Variants in TRAPPC9 observed in about 807,000 individuals in gnomAD.
TRAPPC9 encodes IKK2 binding protein.
TRAPPC9 carries 83 observed loss-of-function variants against 124.0 expected under a neutral mutation model. That is an observed-to-expected ratio of 0.67 (90% CI 0.56 to 0.80). TRAPPC9 has a LOEUF of 0.80. Among genes scored for constraint, TRAPPC9 ranks in the 30% least tolerant of loss-of-function variants. The pLI is 0.00. For synonymous variants in TRAPPC9, 638 were observed against 617.5 expected, an observed-to-expected ratio of 1.03 and a Z score of -0.49; for missense variants, 1,302 against 1,508.3, an observed-to-expected ratio of 0.86 and a Z score of 2.27.
At chr8:140,236,241 C>T (rs1294953889) in intron 16 of TRAPPC9, among the ~76,000 whole-genome samples, 1 of 152,038 alleles carries the variant, frequency 6.6e-6, no homozygotes, top group Admixed American at 6.6e-5. Context: ...TGCCACCATG[C>T]CCAGCTAATT....
At chr8:140,124,687 G>C (rs908995715) in intron 17 of TRAPPC9, among the ~76,000 whole-genome samples, 1 of 123,714 alleles carries the variant, frequency 8.1e-6, no homozygotes, top group African/African-American at 3.1e-5. Context: ...AAGACCCTCA[G>C]AGGGGAAGAC....
At chr8:140,070,755 C>T (rs1284714540) in intron 17 of TRAPPC9, among the ~76,000 whole-genome samples, 9 of 151,808 alleles carry the variant, frequency 5.9e-5, no homozygotes, top group Admixed American at 5.9e-4. Flanking sequence ...CACACACAGA[C>T]TCTCCATAGA....
chr8:139,912,452 C>T (rs1386150594), intron 19 of TRAPPC9, among the ~76,000 whole-genome samples: 5 of 152,300 alleles, frequency 3.3e-5, no homozygotes, highest in African/African-American at 1.2e-4. Context: ...AGAAAAAGAC[C>T]TGACAAACAT....
At chr8:140,268,788 A>T (rs969342140) in intron 15 of TRAPPC9, among the ~76,000 whole-genome samples, 2 of 152,210 alleles carry the variant, frequency 1.3e-5, no homozygotes, top group African/African-American at 4.8e-5. Flanking sequence ...GACGAAGTGT[A>T]GGCAAGGCAT....
At chr8:139,945,103 A>G (rs2614743) in intron 19 of TRAPPC9, among the ~76,000 whole-genome samples, 135,893 of 152,188 alleles carry the variant, frequency 0.89, 60,785 homozygotes, top group Middle Eastern at 0.99. Context: ...CAGCCTATGC[A>G]ACAGAGTGAG....
chr8:140,443,871 T>C (rs2071137104), intron 2 of TRAPPC9, among the ~76,000 whole-genome samples: 1 of 150,932 alleles, frequency 6.6e-6, no homozygotes, highest in Admixed American at 6.6e-5. Context: ...ACCCCATCTC[T>C]ACTAAAAACA....
intron 17 of TRAPPC9, among the ~76,000 whole-genome samples, chr8:140,070,232 A>G (rs1322447284): frequency 6.6e-6 from 1 of 152,238 alleles, no homozygotes; most frequent in Non-Finnish European, 1.5e-5. Flanking sequence ...ATCTTCACGC[A>G]TACCTTTTTT....
At chr8:140,155,031 GACAGGCTTCTTAGTGGCC>G (rs890223551) in intron 17 of TRAPPC9, among the ~76,000 whole-genome samples, 5 of 152,152 alleles carry the variant, frequency 3.3e-5, no homozygotes, top group African/African-American at 1.2e-4. Flanking sequence ...GTTTCACCCG[GACAGGCTTCTTAGTGGCC>G]ATCCCTGGCA....
intron 11 of TRAPPC9, among the ~76,000 whole-genome samples, chr8:140,293,513 C>T (rs1175050268): frequency 6.6e-6 from 1 of 152,206 alleles, no homozygotes; most frequent in Non-Finnish European, 1.5e-5. Context: ...GGCACATATA[C>T]ACCATGGAAT....
In TRAPPC9 at chr8:140,370,946, G is replaced by A. The variant is rs1168275567; in HGVS notation, c.1351+18C>T. On this transcript the variant is annotated intron_variant, in intron 8 of 22. Coordinates refer to ENST00000438773, the MANE Select transcript of TRAPPC9 (RefSeq NM_001160372.4). ...GACAGAAAGCAACACCTTAGCGCCA[G>A]CAAGGGGACTCCAGTACCTCTGCTG... 2.5e-6 allele frequency: 4 copies of A among 1,613,236 alleles called. No individual in the cohort carries two copies. The highest frequency in any genetic ancestry group is 3.4e-6 in the Non-Finnish European group (4 of 1,179,744).
chr8:139,862,181 C>T (rs188382200), intron 21 of TRAPPC9, among the ~76,000 whole-genome samples: 33 of 152,374 alleles, frequency 2.2e-4, no homozygotes, highest in African/African-American at 6.7e-4. Flanking sequence ...TGGGAGACAC[C>T]GCCAGGGCAC....
intron 17 of TRAPPC9, among the ~76,000 whole-genome samples, chr8:140,027,712 G>C (rs1048864396): frequency 6.6e-6 from 1 of 152,188 alleles, no homozygotes; most frequent in African/African-American, 2.4e-5. Context: ...ATAAAGAAAA[G>C]AGGTTTAATT....
At chr8:140,386,756 G>A (rs2068765120) in intron 7 of TRAPPC9, among the ~76,000 whole-genome samples, 1 of 152,110 alleles carries the variant, frequency 6.6e-6, no homozygotes, top group Non-Finnish European at 1.5e-5. Flanking sequence ...GTAATTTATA[G>A]ATTCAATGCC....
Position 139,981,709 on chromosome 8 carries a change from T to C in TRAPPC9, c.2810+7017A>G, listed in dbSNP as rs956792604. Reference sequence around the variant, plus strand: ...CAGCACCCACATAACCCCCAGGAGATGGGGTTGCCCAGAAACCACTTTCTC... The same window carrying C: ...CAGCACCCACATAACCCCCAGGAGACGGGGTTGCCCAGAAACCACTTTCTC... On this transcript the variant is annotated intron_variant, in intron 19 of 22. Coordinates refer to ENST00000438773, the MANE Select transcript of TRAPPC9 (RefSeq NM_001160372.4). Among the ~76,000 whole-genome samples the C allele has an allele frequency of 2.0e-5, 3 of 152,206 alleles. No homozygotes were observed. The South Asian group carries it at 6.2e-4, about 31-fold the overall frequency.
intron 5 of TRAPPC9, among the ~76,000 whole-genome samples, chr8:140,421,821 C>A (rs2070221436): frequency 6.6e-6 from 1 of 151,594 alleles, no homozygotes; most frequent in Non-Finnish European, 1.5e-5. Flanking sequence ...GTGTGATGAC[C>A]AGAAAAGCCT....
At chr8:139,987,940 C>T (rs1051582849) in intron 19 of TRAPPC9, among the ~76,000 whole-genome samples, 1 of 152,162 alleles carries the variant, frequency 6.6e-6, no homozygotes, top group Non-Finnish European at 1.5e-5. Context: ...TGACCCTGGC[C>T]AGCAATTGGT....
rs757482428 is a variant in TRAPPC9, at chr8:140,024,093, A to C, written c.2557-14T>G. On this transcript the variant is annotated splice_polypyrimidine_tract_variant and intron_variant, in intron 17 of 22. Coordinates refer to ENST00000438773, the MANE Select transcript of TRAPPC9 (RefSeq NM_001160372.4). ...AGCTTCCAGGGTCTAAAAGATATTA[A>C]AAAAAAAAATACACACACACACATT... is the stretch of plus-strand genomic sequence containing the variant. 6.8e-7 allele frequency: 1 copy of C among 1,460,510 alleles called. No individual in the cohort carries two copies. The highest frequency in any genetic ancestry group is 9.4e-7 in the Non-Finnish European group (1 of 1,065,206). 90.5% of individuals were successfully genotyped at this position (1,460,510 alleles called of 1,614,324 possible).
intron 16 of TRAPPC9, among the ~76,000 whole-genome samples, chr8:140,227,372 G>A (rs1372423617): frequency 1.3e-5 from 2 of 152,164 alleles, no homozygotes; most frequent in Non-Finnish European, 2.9e-5. Flanking sequence ...GACAAAAAAA[G>A]TTACAAACAG....
chr8:140,025,565 CAA>C (rs11329773), intron 17 of TRAPPC9, among the ~76,000 whole-genome samples: 361 of 123,756 alleles, frequency 2.9e-3, no homozygotes, highest in African/African-American at 4.5e-3. Flanking sequence ...AAGCAAAATG[CAA>C]AAAAAAAAAA....
Sources: allele counts gnomAD v4.1 joint callset (sites outside exome capture counted in the v4.1 genomes callset), GRCh38; gene constraint gnomAD v4.1.1; transcripts MANE v1.5; gene names NCBI Gene and HGNC (gene_info 2026-07-23, HGNC 2026-07-21).